MMP16: variants seen among roughly 807,000 people sequenced by gnomAD.
The protein encoded by MMP16 is matrix metallopeptidase 16.
Under a neutral mutation model 67.8 loss-of-function variants are expected in MMP16, and 12 were observed. The ratio of observed to expected loss-of-function variants is 0.18; its 90% CI spans 0.11 to 0.29. The LOEUF is 0.29. MMP16 is among the 10% of genes least tolerant of loss of function. The pLI, the probability that MMP16 is intolerant of heterozygous loss-of-function variation, is 1.00. For synonymous variants in MMP16, 249 were observed against 255.9 expected, an observed-to-expected ratio of 0.97 and a Z score of 0.26; for missense variants, 475 against 765.7, an observed-to-expected ratio of 0.62 and a Z score of 4.48.
At chr8:88,316,375 C>G (rs1811374868) in intron 1 of MMP16, among the ~76,000 whole-genome samples, 1 of 152,120 alleles carries the variant, frequency 6.6e-6, no homozygotes, top group Non-Finnish European at 1.5e-5. Flanking sequence ...GACAGACTGA[C>G]TTTCTTGATA....
At chr8:88,098,139 T>G (rs1430226951) in intron 6 of MMP16, among the ~76,000 whole-genome samples, 1 of 151,974 alleles carries the variant, frequency 6.6e-6, no homozygotes, top group African/African-American at 2.4e-5. Context: ...ATATGTTTTA[T>G]TACAGGGAAA....
rs576893198 is a variant in MMP16 at position 88,306,002 on chromosome 8, T to G, written c.132+21073A>C. ...GAAAAATCAATGAACCCAGGAGGTG[T>G]TTTTTTTTTTGAAAAAATTAATAAA... On this transcript the variant is annotated intron_variant, in intron 1 of 9. Coordinates refer to ENST00000286614, the MANE Select transcript of MMP16 (RefSeq NM_005941.5). Among the ~76,000 whole-genome samples the G allele has an allele frequency of 4.3e-4, 60 of 139,970 alleles. 1 individual carries two copies. In the South Asian group the frequency reaches 0.013, roughly 31 times the overall value. 91.8% of individuals were successfully genotyped at this position (139,970 alleles called of 152,430 possible).
chr8:88,192,156 T>C (rs1809179080), intron 2 of MMP16, among the ~76,000 whole-genome samples: 1 of 152,058 alleles, frequency 6.6e-6, no homozygotes. Context: ...CTTTAAAAAA[T>C]CCTTAGGTTT....
intron 3 of MMP16, among the ~76,000 whole-genome samples, chr8:88,183,116 G>A (rs957521151): frequency 6.6e-6 from 1 of 152,038 alleles, no homozygotes; most frequent in African/African-American, 2.4e-5. Flanking sequence ...AAACTATTCT[G>A]TATGATATTG....
chr8:88,179,989 A>G (rs1451911197), intron 3 of MMP16, among the ~76,000 whole-genome samples: 1 of 152,196 alleles, frequency 6.6e-6, no homozygotes, highest in Non-Finnish European at 1.5e-5. Flanking sequence ...GTCACTTTAA[A>G]TGTGAATACT....
chr8:88,116,045 G>A (rs977122655), intron 6 of MMP16, among the ~76,000 whole-genome samples: 3 of 152,034 alleles, frequency 2.0e-5, no homozygotes, highest in Non-Finnish European at 2.9e-5. Context: ...ATGGCTACCC[G>A]TGGACCCCAA....
At chr8:88,063,392 G>A (rs1053028341) in intron 7 of MMP16, among the ~76,000 whole-genome samples, 2 of 151,736 alleles carry the variant, frequency 1.3e-5, no homozygotes, top group African/African-American at 4.8e-5. Context: ...GAACAGACTA[G>A]CAGAGAAAAT....
At chr8:88,127,053 G>A (rs938442759) in intron 4 of MMP16, among the ~76,000 whole-genome samples, 2 of 151,840 alleles carry the variant, frequency 1.3e-5, no homozygotes, top group Non-Finnish European at 2.9e-5. Flanking sequence ...ATCGCAGTAA[G>A]TAAAAAGGCT....
chr8:88,153,122 C>A (rs1808437977), intron 4 of MMP16, among the ~76,000 whole-genome samples: 3 of 141,638 alleles, frequency 2.1e-5, no homozygotes, highest in African/African-American at 5.2e-5. Context: ...ACAATTGCTT[C>A]AAAGAGAATA....
rs139597815 is a variant in MMP16, at chr8:88,166,025, A to T, written c.709+1644T>A. Among the ~76,000 whole-genome samples the T allele has an allele frequency of 8.0e-4, 122 of 152,240 alleles. 1 individual carries two copies. The highest frequency in any genetic ancestry group is 2.5e-3 in the African/African-American group (102 of 41,588). On this transcript the variant is annotated intron_variant, in intron 4 of 9. Coordinates refer to ENST00000286614, the MANE Select transcript of MMP16 (RefSeq NM_005941.5). ...TATACTTTATTTTATTTTGGAAAAC[A>T]TGAACAGTTATTTATTATATTTTTT...
rs1809007812 is a variant in MMP16 at position 88,183,121 on chromosome 8, A to G, written c.404+3355T>C. On this transcript the variant is annotated intron_variant, in intron 3 of 9. Coordinates refer to ENST00000286614, the MANE Select transcript of MMP16 (RefSeq NM_005941.5). Reference sequence around the variant, plus strand: ...TAGGGAAGGAAAACTATTCTGTATGATATTGTATTGGTAGATAAATGACAT... The same window carrying G: ...TAGGGAAGGAAAACTATTCTGTATGGTATTGTATTGGTAGATAAATGACAT... 2.0e-5 allele frequency among the ~76,000 whole-genome samples: 3 copies of G among 152,202 alleles called. No individual in the cohort carries two copies. The South Asian group carries it at 6.2e-4, about 32-fold the overall frequency.
rs77586877 is a variant in MMP16, at chr8:88,064,502, C to A, written c.1223-8224G>T. Among the ~76,000 whole-genome samples the A allele has an allele frequency of 2.6e-5, 4 of 152,194 alleles. No homozygotes were observed. In the East Asian group the frequency reaches 7.8e-4, roughly 30 times the overall value. On this transcript the variant is annotated intron_variant, in intron 7 of 9. Coordinates refer to ENST00000286614, the MANE Select transcript of MMP16 (RefSeq NM_005941.5). ...GTAAGATCCTGGGCAAGTCATGAAT[C>A]TGAGCTTTCCTTTCATAATTTGTAC...
At chr8:88,319,816 G>A (rs767132824) in intron 1 of MMP16, among the ~76,000 whole-genome samples, 1 of 152,110 alleles carries the variant, frequency 6.6e-6, no homozygotes, top group Admixed American at 6.5e-5. Context: ...ATAAGATTCC[G>A]TTTCAGTGAA....
intron 1 of MMP16, among the ~76,000 whole-genome samples, chr8:88,301,817 T>C (rs759800478): frequency 6.6e-6 from 1 of 152,234 alleles, no homozygotes; most frequent in Non-Finnish European, 1.5e-5. Flanking sequence ...TTTTGCCCCA[T>C]TAAAACTGGT....
At position 88,213,942 on chromosome 8, in the gene MMP16, C is replaced by T. The variant is rs72675177; in HGVS notation, c.133-16636G>A. Among the ~76,000 whole-genome samples, 914 of 152,282 alleles carry T rather than the reference C, an allele frequency of 6.0e-3. 5 individuals are homozygous for T. The highest frequency in any genetic ancestry group is 0.034 in the Middle Eastern group (10 of 294). Reference sequence around the variant, plus strand: ...ATCTACCTATTCTAATCTCTCTTCACTTAGAGAACTCATCTTCTCCTGAGG... The same window carrying T: ...ATCTACCTATTCTAATCTCTCTTCATTTAGAGAACTCATCTTCTCCTGAGG... On this transcript the variant is annotated intron_variant, in intron 1 of 9. Coordinates refer to ENST00000286614, the MANE Select transcript of MMP16 (RefSeq NM_005941.5).
intron 1 of MMP16, among the ~76,000 whole-genome samples, chr8:88,207,689 C>G (rs1291001617): frequency 3.1e-5 from 3 of 95,966 alleles, no homozygotes; most frequent in Non-Finnish European, 8.2e-5. Flanking sequence ...GAGTAAGGAC[C>G]ATTGTTAAAA....
intron 1 of MMP16, among the ~76,000 whole-genome samples, chr8:88,219,879 G>T (rs957381934): frequency 6.6e-6 from 1 of 152,040 alleles, no homozygotes; most frequent in Non-Finnish European, 1.5e-5. Flanking sequence ...TTCATCTTTT[G>T]AAAGGAGTCA....
At position 88,041,453 on chromosome 8, in the gene MMP16, A is replaced by G. The variant is rs1349487234; in HGVS notation, c.*8T>C. 1 of 1,594,578 alleles carries G rather than the reference A, an allele frequency of 6.3e-7. No individual in the cohort carries two copies. Among genetic ancestry groups the G allele is most frequent in the Non-Finnish European group, 8.6e-7 (1 of 1,168,136 alleles). On this transcript the variant is annotated 3_prime_UTR_variant, in exon 10 of 10. Transcript: ENST00000286614. This position sits in a 1 kb window ranked among gnomAD's most constrained non-coding sequence, Gnocchi z 6.0. The stretch of plus-strand genomic sequence containing the variant: ...CTGCAAAAGAAAGAAAGAAGAAAAA[A>G]CCCTACATCACACCCACTCTTGCAT...
intron 1 of MMP16, among the ~76,000 whole-genome samples, chr8:88,313,089 C>T (rs1318576684): frequency 1.3e-5 from 2 of 152,182 alleles, no homozygotes; most frequent in African/African-American, 4.8e-5. Context: ...ATTGTTTTGG[C>T]ATTCTTTACT....
Sources: allele counts gnomAD v4.1 joint callset (sites outside exome capture counted in the v4.1 genomes callset), GRCh38; gene constraint gnomAD v4.1.1; non-coding constraint Gnocchi (gnomAD v3.1); transcripts MANE v1.5; gene names NCBI Gene and HGNC (gene_info 2026-07-23, HGNC 2026-07-21).